The following LPGAT1 variants were observed in gnomAD, a reference collection of about 807,000 sequenced individuals.
LPGAT1 encodes the protein acyl-CoA:lysophosphatidylglycerol acyltransferase 1.
In LPGAT1, 11 loss-of-function variants were observed where a neutral mutation model predicts 47.5. The observed-to-expected ratio is 0.23, with a 90% CI of 0.15 to 0.38. The LOEUF (loss-of-function observed/expected upper bound fraction) is 0.38, where lower values mean the gene tolerates loss of function less well. Among genes scored for constraint, LPGAT1 ranks in the 10% least tolerant of loss-of-function variants. The pLI is 1.00. For missense variants in LPGAT1, 293 were observed against 439.0 expected, an observed-to-expected ratio of 0.67 and a Z score of 2.97; for synonymous variants, 138 against 144.2, an observed-to-expected ratio of 0.96 and a Z score of 0.31.
rs1169149529 is a variant in LPGAT1, at chr1:211,783,265, T to C, written c.691A>G (p.Asn231Asp). The change falls in exon 5 of 8, where the codon AAT becomes GAT. Residue 231 changes from asparagine to aspartate, a missense_variant. Asn to Asp is a conservative substitution (Grantham distance 23, BLOSUM62 1). Coordinates refer to ENST00000366997, the MANE Select transcript of LPGAT1 (RefSeq NM_014873.3). The stretch of plus-strand genomic sequence containing the variant: ...GCATCTCCTCCTGCTGGACTTCCAT[T>C]TTTCTGTTGTGCTACAAGTGCATTC... Reference protein sequence around the residue: ...ILNALVAQQKNGSPAGGDAKE... With the variant: ...ILNALVAQQKDGSPAGGDAKE... 1 of 1,612,920 alleles carries C rather than the reference T, an allele frequency of 6.2e-7. No individual in the cohort carries two copies. Among genetic ancestry groups the C allele is most frequent in the Non-Finnish European group, 8.5e-7 (1 of 1,178,950 alleles).
chr1:211,813,235 C>T (rs899984041), intron 2 of LPGAT1, among the ~76,000 whole-genome samples: 31 of 152,050 alleles, frequency 2.0e-4, no homozygotes, highest in African/African-American at 6.5e-4. Context: ...TTCAACTCTA[C>T]GAATGCATTA....
chr1:211,816,979 T>G (rs1340537156), intron 2 of LPGAT1, among the ~76,000 whole-genome samples: 1 of 152,234 alleles, frequency 6.6e-6, no homozygotes, highest in Non-Finnish European at 1.5e-5. Context: ...TTAGAATGAT[T>G]ATTTACACTT....
chr1:211,773,586 C>T (rs1486166763), intron 6 of LPGAT1, among the ~76,000 whole-genome samples: 2 of 152,154 alleles, frequency 1.3e-5, no homozygotes, highest in Non-Finnish European at 1.5e-5. Flanking sequence ...TACTTCTGCA[C>T]AAGGATCGTT....
Position 211,749,872 on chromosome 1 carries a change from G to C in LPGAT1, c.*27C>G. ...ATGAAAGAAAGTCTGAACTCCTACG[G>C]TGACCTTGACAAGTCCACGTCAATT... On this transcript the variant is annotated 3_prime_UTR_variant, in exon 8 of 8. Transcript: ENST00000366997. 1.2e-6 allele frequency: 2 copies of C among 1,610,380 alleles called. No homozygotes were observed. Among genetic ancestry groups the C allele is most frequent in the Non-Finnish European group, 1.7e-6 (2 of 1,177,822 alleles).
chr1:211,775,241 C>T (rs1026598505), intron 6 of LPGAT1, among the ~76,000 whole-genome samples: 5 of 152,082 alleles, frequency 3.3e-5, no homozygotes, highest in South Asian at 4.1e-4. Flanking sequence ...TGCTTGAACC[C>T]GCAAGGCAGA....
At chr1:211,770,282 C>T (rs776082928) in intron 6 of LPGAT1, among the ~76,000 whole-genome samples, 1 of 152,108 alleles carries the variant, frequency 6.6e-6, no homozygotes, top group Non-Finnish European at 1.5e-5. Context: ...TTCAGATTGG[C>T]TGCATCGATT....
chr1:211,830,026 A>G lies in LPGAT1; in HGVS notation c.-28+547T>C, dbSNP rs1462161626. ...GTAAAAGCCAAGGAACTGGGGATGA[A>G]GAGAATGAGATTTCCGACCAGAGGG... On this transcript the variant is annotated intron_variant, in intron 1 of 7. Transcript: ENST00000366997. The surrounding 1 kb of genome is among the most constrained non-coding windows in gnomAD (Gnocchi z 5.9). 3 of 985,758 alleles carry G rather than the reference A, an allele frequency of 3.0e-6. No individual in the cohort carries two copies. Among genetic ancestry groups the G allele is most frequent in the Non-Finnish European group, 3.6e-6 (3 of 830,380 alleles). 61.1% of individuals were successfully genotyped at this position (985,758 alleles called of 1,614,324 possible). A position where few individuals can be genotyped will look rare whatever the true frequency, so the allele number is the denominator to read the frequency against.
Position 211,756,347 on chromosome 1 carries a change from C to CT in LPGAT1, c.855-5281dup, listed in dbSNP as rs758274464. Among the ~76,000 whole-genome samples, 157 of 151,656 alleles carry CT rather than the reference C, an allele frequency of 1.0e-3. 3 individuals are homozygous for CT. The East Asian group carries it at 0.022, about 21-fold the overall frequency. The stretch of plus-strand genomic sequence containing the variant: ...AACAGAAAGATGAATTAAAGAATGT[C>CT]TTTTTTTTTGTCTCACTCTGTCACT... On this transcript the variant is annotated intron_variant, in intron 6 of 7. Coordinates refer to ENST00000366997, the MANE Select transcript of LPGAT1 (RefSeq NM_014873.3).
At chr1:211,825,875 G>C (rs571559105) in intron 2 of LPGAT1, among the ~76,000 whole-genome samples, 3 of 152,028 alleles carry the variant, frequency 2.0e-5, no homozygotes, top group Admixed American at 6.5e-5. Flanking sequence ...CAGGAGAATC[G>C]CTTGAACTCG....
intron 6 of LPGAT1, among the ~76,000 whole-genome samples, chr1:211,774,130 G>GTTTTT (rs1158580879): frequency 1.4e-4 from 2 of 14,642 alleles, no homozygotes; most frequent in Non-Finnish European, 1.2e-4. Flanking sequence ...TTTTTTAAAA[G>GTTTTT]TCTTTTTTTT....
chr1:211,809,553 C>A (rs1659889619), intron 2 of LPGAT1, among the ~76,000 whole-genome samples: 1 of 152,140 alleles, frequency 6.6e-6, no homozygotes, highest in East Asian at 1.9e-4. Context: ...TCCCATAATT[C>A]CCATGTGTCG....
intron 6 of LPGAT1, among the ~76,000 whole-genome samples, chr1:211,772,306 T>A (rs1658205514): frequency 6.6e-6 from 1 of 152,200 alleles, no homozygotes; most frequent in South Asian, 2.1e-4. Flanking sequence ...CTCCTATAAC[T>A]ACACTGTTTT....
intron 2 of LPGAT1, among the ~76,000 whole-genome samples, chr1:211,802,581 C>A (rs375489404): frequency 1.3e-5 from 2 of 151,120 alleles, no homozygotes; most frequent in African/African-American, 4.9e-5. Context: ...ATAGAAAAAC[C>A]GAGAGATAAA....
chr1:211,785,749 G>C (rs1558267930), intron 4 of LPGAT1, among the ~76,000 whole-genome samples: 1 of 151,974 alleles, frequency 6.6e-6, no homozygotes, highest in Admixed American at 6.6e-5. Flanking sequence ...TGGGACTACA[G>C]GTTCATGCTA....
intron 5 of LPGAT1, among the ~76,000 whole-genome samples, chr1:211,779,610 G>A (rs1658551750): frequency 1.3e-5 from 2 of 152,166 alleles, no homozygotes; most frequent in South Asian, 2.1e-4. Context: ...CAGAACTTTG[G>A]AAGGCAGAGG....
intron 3 of LPGAT1, among the ~76,000 whole-genome samples, chr1:211,790,821 T>C (rs1255740328): frequency 6.6e-6 from 1 of 152,208 alleles, no homozygotes; most frequent in Non-Finnish European, 1.5e-5. Flanking sequence ...CAAACTGGTG[T>C]TAGAATACAG....
At chr1:211,767,647 A>C (rs1187722178) in intron 6 of LPGAT1, among the ~76,000 whole-genome samples, 2 of 152,214 alleles carry the variant, frequency 1.3e-5, no homozygotes, top group Admixed American at 1.3e-4. Flanking sequence ...GAAGAGCAGG[A>C]TATGGAGGCA....
intron 2 of LPGAT1, among the ~76,000 whole-genome samples, chr1:211,828,759 A>G (rs1660623558): frequency 6.6e-6 from 1 of 152,208 alleles, no homozygotes; most frequent in Admixed American, 6.5e-5. Context: ...TAAGCTCTCG[A>G]GTCCTATACA....
chr1:211,755,107 G>A (rs1302940277), intron 6 of LPGAT1, among the ~76,000 whole-genome samples: 2 of 150,816 alleles, frequency 1.3e-5, no homozygotes, highest in Admixed American at 6.6e-5. Flanking sequence ...GGAGGCAGAG[G>A]TGGGTGGATC....
Sources: allele counts gnomAD v4.1 joint callset (sites outside exome capture counted in the v4.1 genomes callset), GRCh38; gene constraint gnomAD v4.1.1; non-coding constraint Gnocchi (gnomAD v3.1); transcripts MANE v1.5; gene names NCBI Gene and HGNC (gene_info 2026-07-23, HGNC 2026-07-21).